Variants in EXOC2 observed in about 807,000 individuals in gnomAD.
EXOC2 encodes SEC5-like 1.
In EXOC2, 70 loss-of-function variants were observed where a neutral mutation model predicts 131.8. The observed-to-expected ratio is 0.53, with a 90% CI of 0.44 to 0.65. The LOEUF (loss-of-function observed/expected upper bound fraction) is 0.65, where lower values mean the gene tolerates loss of function less well. Ranked by LOEUF, EXOC2 falls within the 30% of genes least tolerant of loss-of-function variation. The probability of loss-of-function intolerance (pLI) is 0.00; values close to 1 mark genes in which losing one functional copy is unlikely to be tolerated. For missense variants in EXOC2, 923 were observed against 1,108.6 expected (o/e 0.83, Z 2.38); for synonymous variants, 411 against 398.4 (o/e 1.03, Z -0.38).
intron 23 of EXOC2, among the ~76,000 whole-genome samples, chr6:530,147 G>T (rs938540877): frequency 6.6e-5 from 10 of 152,178 alleles, no homozygotes; most frequent in African/African-American, 2.4e-4. Context: ...ACCGTGTACT[G>T]TTTATTAAAA....
At chr6:514,613 CT>C (rs1765035311) in intron 23 of EXOC2, among the ~76,000 whole-genome samples, 1 of 152,220 alleles carries the variant, frequency 6.6e-6, no homozygotes. Flanking sequence ...GTGAGGCTTT[CT>C]TAGGAGCTGC....
chr6:622,188 A>G (rs2127685865), intron 4 of EXOC2, among the ~76,000 whole-genome samples: 1 of 152,292 alleles, frequency 6.6e-6, no homozygotes, highest in South Asian at 2.1e-4. Context: ...CCTTCCTTCT[A>G]GACACGGCCA....
chr6:692,021 A>C (rs1214818584), intron 1 of EXOC2, among the ~76,000 whole-genome samples: 1 of 152,236 alleles, frequency 6.6e-6, no homozygotes, highest in East Asian at 1.9e-4. Context: ...TACACAAAGC[A>C]TGGGCCAGTA....
intron 4 of EXOC2, among the ~76,000 whole-genome samples, chr6:624,911 C>T (rs887222124): frequency 3.3e-5 from 5 of 152,202 alleles, no homozygotes; most frequent in Admixed American, 2.6e-4. Context: ...AAGCAACATA[C>T]GCTCTGAGTA....
chr6:605,780 T>C (rs1760375915), intron 7 of EXOC2, among the ~76,000 whole-genome samples: 1 of 152,218 alleles, frequency 6.6e-6, no homozygotes. Context: ...TCTAGTTCTT[T>C]TAATTGTGAT....
intron 25 of EXOC2, among the ~76,000 whole-genome samples, chr6:496,873 G>A (rs1763773743): frequency 6.6e-6 from 1 of 152,218 alleles, no homozygotes; most frequent in South Asian, 2.1e-4. Flanking sequence ...CCAGGCAGAA[G>A]TGCACGCTTC....
chr6:636,909 G>C (rs1388570487), intron 2 of EXOC2, among the ~76,000 whole-genome samples: 1 of 152,130 alleles, frequency 6.6e-6, no homozygotes, highest in Non-Finnish European at 1.5e-5. Context: ...TCCATCTTTA[G>C]AGACTGAAAC....
At chr6:507,974 T>C (rs1409094186) in intron 23 of EXOC2, among the ~76,000 whole-genome samples, 1 of 152,236 alleles carries the variant, frequency 6.6e-6, no homozygotes, top group Non-Finnish European at 1.5e-5. Context: ...TAAACTCCTC[T>C]TTCATCCTTC....
chr6:488,081 G>A (rs1362683373), intron 27 of EXOC2, among the ~76,000 whole-genome samples: 1 of 152,248 alleles, frequency 6.6e-6, no homozygotes, highest in Non-Finnish European at 1.5e-5. Context: ...GGCACTGTCT[G>A]CACAGCTGCC....
chr6:637,267 G>A (rs1737538), intron 2 of EXOC2, among the ~76,000 whole-genome samples: 107,506 of 152,044 alleles, frequency 0.71, 38,654 homozygotes, highest in Middle Eastern at 0.86. Context: ...GCCAACTGCT[G>A]CCCGTGTCAC....
chr6:662,238 C>T (rs1272518251), intron 1 of EXOC2, among the ~76,000 whole-genome samples: 1 of 152,156 alleles, frequency 6.6e-6, no homozygotes, highest in Non-Finnish European at 1.5e-5. Context: ...CAGCACTAGA[C>T]TGGTCATCAA....
chr6:562,907 TA>T, intron 16 of EXOC2, 62 bp from the exon 17 acceptor site: 1 of 1,192,012 alleles, frequency 8.4e-7, no homozygotes. Context: ...TTATACAGAT[TA>T]AAAATGTATA....
intron 22 of EXOC2, among the ~76,000 whole-genome samples, chr6:548,047 T>A (rs1014232324): frequency 2.0e-5 from 3 of 152,210 alleles, no homozygotes; most frequent in Non-Finnish European, 2.9e-5. Context: ...ATTGTTGTTA[T>A]ATAAAAACAA....
intron 1 of EXOC2, among the ~76,000 whole-genome samples, chr6:688,980 C>T (rs1288406448): frequency 6.6e-6 from 1 of 152,190 alleles, no homozygotes; most frequent in East Asian, 1.9e-4. Context: ...AAAATTCATC[C>T]ATGCTTACAA....
intron 10 of EXOC2, among the ~76,000 whole-genome samples, chr6:595,852 A>C (rs1759785912): frequency 6.6e-6 from 1 of 152,118 alleles, no homozygotes; most frequent in African/African-American, 2.4e-5. Flanking sequence ...CTTTCTAGGT[A>C]GAAAATAAAG....
intron 1 of EXOC2, among the ~76,000 whole-genome samples, chr6:647,224 C>T (rs1341880527): frequency 1.3e-5 from 2 of 152,020 alleles, no homozygotes; most frequent in Non-Finnish European, 2.9e-5. Flanking sequence ...ACATAAAGAA[C>T]CAAATTTTTA....
intron 17 of EXOC2, among the ~76,000 whole-genome samples, chr6:557,594 G>A (rs1757484149): frequency 6.8e-6 from 1 of 148,148 alleles, no homozygotes; most frequent in Admixed American, 6.7e-5. Context: ...CTCCAGCCTG[G>A]GTGACAGAGA....
chr6:543,267 T>C (rs1456277338), intron 22 of EXOC2, among the ~76,000 whole-genome samples: 1 of 152,198 alleles, frequency 6.6e-6, no homozygotes, highest in Non-Finnish European at 1.5e-5. Context: ...ATATACACAA[T>C]AGAATACTAC....
At chr6:593,776 C>G (rs927571603) in intron 10 of EXOC2, among the ~76,000 whole-genome samples, 3 of 152,330 alleles carry the variant, frequency 2.0e-5, no homozygotes, top group African/African-American at 7.2e-5. Flanking sequence ...GACCTTGGGC[C>G]AGACCTCAAT....
Sources: gnomAD v4.1 joint callset for allele counts (sites outside exome capture counted in the v4.1 genomes callset) on GRCh38, gnomAD v4.1.1 for gene constraint, MANE v1.5 for transcripts, NCBI Gene and HGNC (gene_info 2026-07-23, HGNC 2026-07-21) for gene names.